NR3C1: variants seen among roughly 807,000 people sequenced by gnomAD.
The protein encoded by NR3C1 is nuclear receptor subfamily 3 group C member 1, also known as glucocorticoid receptor.
In NR3C1, 14 loss-of-function variants were observed where a neutral mutation model predicts 74.0. That is an observed-to-expected ratio of 0.19 (90% CI 0.12 to 0.30). The LOEUF (loss-of-function observed/expected upper bound fraction) is 0.30, where lower values mean the gene tolerates loss of function less well. Ranked by LOEUF, NR3C1 falls within the 10% of genes least tolerant of loss-of-function variation. The probability of loss-of-function intolerance (pLI) is 1.00; values close to 1 mark genes in which losing one functional copy is unlikely to be tolerated. For missense variants in NR3C1, 695 were observed against 909.8 expected, an observed-to-expected ratio of 0.76 and a Z score of 3.04; for synonymous variants, 308 against 332.5, an observed-to-expected ratio of 0.93 and a Z score of 0.80.
chr5:143,319,573 G>T (rs1822907924), intron 2 of NR3C1, among the ~76,000 whole-genome samples: 1 of 152,110 alleles, frequency 6.6e-6, no homozygotes, highest in East Asian at 1.9e-4. Flanking sequence ...TCTCAACAGA[G>T]AGCAATTTTG....
At chr5:143,364,460 A>G (rs1210527871) in intron 2 of NR3C1, among the ~76,000 whole-genome samples, 2 of 152,228 alleles carry the variant, frequency 1.3e-5, no homozygotes, top group African/African-American at 4.8e-5. Context: ...ACATCAGGAA[A>G]GGGAATTACA....
intron 2 of NR3C1, among the ~76,000 whole-genome samples, chr5:143,362,323 T>C (rs1393167390): frequency 1.3e-5 from 2 of 151,916 alleles, no homozygotes; most frequent in African/African-American, 2.4e-5. Context: ...ATTCCTGGTA[T>C]GAAAGACAGC....
At position 143,278,173 on chromosome 5, in the gene NR3C1, T is replaced by C. The variant is rs987839678; in HGVS notation, c.*3716A>G. On this transcript the variant is annotated 3_prime_UTR_variant, in exon 9 of 9. Transcript: ENST00000394464. ...TTATTATTCAGCATGAATAAAAAAC[T>C]ACAACTTTTATTTTTAAACAGGAGT... 6.6e-6 allele frequency: 1 copy of C among 152,168 alleles called. No homozygotes were observed. The highest frequency in any genetic ancestry group is 2.1e-4 in the South Asian group (1 of 4,832). 9.4% of individuals were successfully genotyped at this position (152,168 alleles called of 1,614,324 possible).
At chr5:143,433,788 T>C (rs1411472106) in intron 1 of NR3C1, 5 of 152,358 alleles carry the variant, frequency 3.3e-5, no homozygotes, top group Non-Finnish European at 7.3e-5. Context: ...CCATCTACAG[T>C]TAATTCTTCA....
At chr5:143,381,244 G>A (rs1265120588) in intron 2 of NR3C1, among the ~76,000 whole-genome samples, 1 of 149,436 alleles carries the variant, frequency 6.7e-6, no homozygotes, top group Non-Finnish European at 1.5e-5. Context: ...AGAAGTGAAA[G>A]AGCTCTACAA....
At position 143,400,506 on chromosome 5, in the gene NR3C1, G is replaced by C; in HGVS notation, c.334C>G (p.Leu112Val). 6.2e-7 allele frequency: 1 copy of C among 1,614,236 alleles called. No homozygotes were observed. The highest frequency in any genetic ancestry group is 8.5e-7 in the Non-Finnish European group (1 of 1,180,046). The change falls in exon 2 of 9, where the codon CTT (leucine) becomes GTT (valine). Residue 112 changes from leucine (L) to valine (V), a missense_variant. By Grantham distance (32) the Leu-to-Val change is conservative. Transcript: ENST00000394464. ...LGFPQQGQIS[L>V]SSGETDLKLL... ...TTTAAGTCTGTTTCCCCCGAGGAAAGGCTGATTTGGCCCTGCTGTGGGAAT... is the reference window on the plus strand; with the variant it reads ...TTTAAGTCTGTTTCCCCCGAGGAAACGCTGATTTGGCCCTGCTGTGGGAAT...
intron 4 of NR3C1, among the ~76,000 whole-genome samples, chr5:143,308,538 T>C (rs930731466): frequency 3.3e-5 from 5 of 152,182 alleles, no homozygotes; most frequent in African/African-American, 1.2e-4. Context: ...TGCCATCTCT[T>C]ATCTGGAGGA....
chr5:143,386,344 A>AG (rs1289219852), intron 2 of NR3C1, among the ~76,000 whole-genome samples: 1 of 152,202 alleles, frequency 6.6e-6, no homozygotes, highest in Non-Finnish European at 1.5e-5. Context: ...AAGGGTACAT[A>AG]GAAAAGGGTG....
At chr5:143,331,589 A>G (rs1384417654) in intron 2 of NR3C1, among the ~76,000 whole-genome samples, 1 of 152,206 alleles carries the variant, frequency 6.6e-6, no homozygotes, top group African/African-American at 2.4e-5. Context: ...ACACCATGGA[A>G]TTCTACACAG....
At chr5:143,338,725 G>C (rs2398631) in intron 2 of NR3C1, among the ~76,000 whole-genome samples, 24,217 of 152,058 alleles carry the variant, frequency 0.16, 2,357 homozygotes, top group Middle Eastern at 0.26. Context: ...AGTTACAGTA[G>C]GCTAAGGTTA....
At chr5:143,322,930 G>T (rs543194088) in intron 2 of NR3C1, among the ~76,000 whole-genome samples, 40 of 152,120 alleles carry the variant, frequency 2.6e-4, no homozygotes, top group Admixed American at 1.5e-3. Context: ...TCACACTCAG[G>T]TCCCTACATA....
Position 143,281,878 on chromosome 5 carries a change from T to C in NR3C1, c.*11A>G. On this transcript the variant is annotated 3_prime_UTR_variant, in exon 9 of 9. Transcript: ENST00000394464. ...CGACTTTCTTTAAGGCAACCATTCT[T>C]ATTAAGGCAGTCACTTTTGATGAAA... 1 of 1,612,196 alleles carries C rather than the reference T, an allele frequency of 6.2e-7. No homozygotes were observed. The highest frequency in any genetic ancestry group is 8.5e-7 in the Non-Finnish European group (1 of 1,178,592).
intron 6 of NR3C1, among the ~76,000 whole-genome samples, chr5:143,297,075 C>CAAAA (rs766243522): frequency 4.8e-4 from 29 of 60,546 alleles, no homozygotes; most frequent in African/African-American, 8.2e-4. Context: ...AGACTCGTCT[C>CAAAA]AAAAAAAAAA....
At chr5:143,347,290 G>A (rs1268428114) in intron 2 of NR3C1, among the ~76,000 whole-genome samples, 1 of 152,102 alleles carries the variant, frequency 6.6e-6, no homozygotes, top group South Asian at 2.1e-4. Flanking sequence ...ATTAATATTT[G>A]TAAGAACTGA....
chr5:143,430,997 C>G (rs959161852), intron 1 of NR3C1, among the ~76,000 whole-genome samples: 11 of 152,112 alleles, frequency 7.2e-5, no homozygotes, highest in Admixed American at 5.2e-4. Flanking sequence ...ATAAACGTAT[C>G]TTGAATTCAG....
At position 143,278,316 on chromosome 5, in the gene NR3C1, A is replaced by G. The variant is rs1812636646; in HGVS notation, c.*3573T>C. 1 of 152,230 alleles carries G rather than the reference A, an allele frequency of 6.6e-6. No homozygotes were observed. The highest frequency in any genetic ancestry group is 6.5e-5 in the Admixed American group (1 of 15,276). 9.4% of individuals were successfully genotyped at this position (152,230 alleles called of 1,614,324 possible). On this transcript the variant is annotated 3_prime_UTR_variant, in exon 9 of 9. Coordinates refer to ENST00000394464, the MANE Select transcript of NR3C1 (RefSeq NM_000176.3). ...TTGTCCCCATTATATAGCATTTAATATACAAAATAGAATATTGACACACTT... is the reference window on the plus strand; with the variant it reads ...TTGTCCCCATTATATAGCATTTAATGTACAAAATAGAATATTGACACACTT...
chr5:143,311,069 T>C (rs915082865), intron 3 of NR3C1, among the ~76,000 whole-genome samples: 16 of 152,248 alleles, frequency 1.1e-4, no homozygotes, highest in African/African-American at 3.9e-4. Flanking sequence ...AATTCACCTT[T>C]GTTCAGAGCT....
At chr5:143,356,488 C>A (rs1831166431) in intron 2 of NR3C1, among the ~76,000 whole-genome samples, 2 of 152,144 alleles carry the variant, frequency 1.3e-5, no homozygotes, top group Non-Finnish European at 2.9e-5. Flanking sequence ...AATAGCAGAG[C>A]AAATCACTCC....
At chr5:143,319,287 T>G (rs1471276784) in intron 2 of NR3C1, among the ~76,000 whole-genome samples, 1 of 152,144 alleles carries the variant, frequency 6.6e-6, no homozygotes, top group Non-Finnish European at 1.5e-5. Flanking sequence ...GAGGCTTCCC[T>G]GACAGAGAAA....
Sources: allele counts gnomAD v4.1 joint callset (sites outside exome capture counted in the v4.1 genomes callset), GRCh38; gene constraint gnomAD v4.1.1; transcripts MANE v1.5; gene names NCBI Gene and HGNC (gene_info 2026-07-23, HGNC 2026-07-21).